FBXO38: variants seen among roughly 807,000 people sequenced by gnomAD.
FBXO38 encodes the protein F-box protein 38.
FBXO38 carries 53 observed loss-of-function variants against 131.9 expected under a neutral mutation model. The observed-to-expected ratio is 0.40, with a 90% CI of 0.32 to 0.51. The LOEUF is 0.51. FBXO38 is among the 20% of genes least tolerant of loss of function. The probability of loss-of-function intolerance (pLI) is 0.53; values close to 1 mark genes in which losing one functional copy is unlikely to be tolerated. For synonymous variants in FBXO38, 452 were observed against 505.6 expected (o/e 0.89, Z 1.42); for missense variants, 1,076 against 1,475.6 (o/e 0.73, Z 4.44).
intron 11 of FBXO38, among the ~76,000 whole-genome samples, chr5:148,416,428 A>G (rs1219034794): frequency 4.6e-5 from 7 of 152,226 alleles, no homozygotes; most frequent in South Asian, 4.1e-4. Flanking sequence ...AAATCTAATT[A>G]GGAATCCAAA....
In FBXO38 at chr5:148,438,363, G is replaced by C. The variant is rs371555180; in HGVS notation, c.2889G>C (p.Lys963Asn). 649 of 1,613,804 alleles carry C rather than the reference G, an allele frequency of 4.0e-4. No individual in the cohort carries two copies. Among genetic ancestry groups the C allele is most frequent in the Non-Finnish European group, 4.9e-4 (584 of 1,179,832 alleles). ...GGTGCAGGGTACTAAAACATTTAAAGGTAGAAAATGCACCAATTGTAAACC... is the reference window on the plus strand; with the variant it reads ...GGTGCAGGGTACTAAAACATTTAAACGTAGAAAATGCACCAATTGTAAACC... ...ATRCRVLKHLKVENAPIVNRF... is the reference protein window; with the variant it reads ...ATRCRVLKHLNVENAPIVNRF... Residue 963 changes from lysine (K) to asparagine (N), a missense_variant, in exon 18 of 22, where the codon AAG becomes AAC. Physicochemically the swap from Lys to Asn is moderately conservative, Grantham distance 94 (BLOSUM62 0). Around this residue, in one of 8 missense-constraint regions of FBXO38, gnomAD observed 282 missense variants for 418.8 expected, o/e 0.67. Transcript: ENST00000340253.
chr5:148,387,690 C>CTTTTTTT (rs142417126), intron 1 of FBXO38, among the ~76,000 whole-genome samples: 4 of 126,684 alleles, frequency 3.2e-5, no homozygotes, highest in Non-Finnish European at 5.0e-5. Flanking sequence ...GAATTTATTT[C>CTTTTTTT]TTTTTTTTTT....
In FBXO38 at chr5:148,427,287, C is replaced by G; in HGVS notation, c.1993C>G (p.Leu665Val). 1 of 1,614,128 alleles carries G rather than the reference C, an allele frequency of 6.2e-7. No individual in the cohort carries two copies. Among genetic ancestry groups the G allele is most frequent in the Non-Finnish European group, 8.5e-7 (1 of 1,180,012 alleles). ...HQMGQSKQFPLEESSCEKGCQ... is the reference protein window; with the variant it reads ...HQMGQSKQFPVEESSCEKGCQ... ...GATGGGCCAGTCGAAGCAGTTTCCCCTCGAGGAAAGCAGCTGTGAGAAAGG... is the reference window on the plus strand; with the variant it reads ...GATGGGCCAGTCGAAGCAGTTTCCCGTCGAGGAAAGCAGCTGTGAGAAAGG... The change falls in exon 15 of 22, where the codon CTC (leucine) becomes GTC (valine). Residue 665 changes from leucine to valine, a missense_variant. Physicochemically the swap from Leu to Val is conservative, Grantham distance 32. This residue lies in a region of FBXO38 where 212 missense variants were observed against 221.2 expected (regional missense o/e 0.96). Coordinates refer to ENST00000340253, the MANE Select transcript of FBXO38 (RefSeq NM_205836.3).
intron 6 of FBXO38, among the ~76,000 whole-genome samples, chr5:148,405,079 G>T (rs778006058): frequency 1.3e-5 from 2 of 149,788 alleles, no homozygotes; most frequent in Non-Finnish European, 3.0e-5. Flanking sequence ...ACTTTTCCTA[G>T]GATTGTTTTA....
intron 10 of FBXO38, 46 bp downstream of exon 10, chr5:148,414,352 T>C: frequency 2.1e-6 from 3 of 1,406,988 alleles, no homozygotes; most frequent in Non-Finnish European, 2.9e-6. Context: ...GATACTGAAA[T>C]AATACAACTT....
intron 3 of FBXO38, among the ~76,000 whole-genome samples, chr5:148,400,780 A>G (rs1462959428): frequency 6.6e-6 from 1 of 152,152 alleles, no homozygotes. Context: ...CAGGGGTTAC[A>G]CTTGGTTTTA....
At position 148,391,939 on chromosome 5, in the gene FBXO38, G is replaced by C. The variant is rs180965240; in HGVS notation, c.-63-2775G>C. 2.6e-5 allele frequency among the ~76,000 whole-genome samples: 4 copies of C among 152,188 alleles called. No individual in the cohort carries two copies. In the East Asian group the frequency reaches 7.7e-4, roughly 29 times the overall value. ...TTTTTTATCATACTTTTTAAAAAAA[G>C]TTTTAGGGGGTAATCTTTTTAATTT... On this transcript the variant is annotated intron_variant, in intron 1 of 21. Transcript: ENST00000340253.
At chr5:148,440,551 A>C (rs1392571715) in intron 20 of FBXO38, 24 bp downstream of exon 20, 1 of 1,418,780 alleles carries the variant, frequency 7.0e-7, no homozygotes, top group Non-Finnish European at 9.9e-7. Context: ...AATGTTTAGA[A>C]AGTTAAATAG....
At chr5:148,430,686 G>A (rs1020966232) in intron 15 of FBXO38, 7 of 152,042 alleles carry the variant, frequency 4.6e-5, no homozygotes, top group South Asian at 2.1e-4. Flanking sequence ...ACTAATAAAG[G>A]AAGAAACTTG....
intron 17 of FBXO38, chr5:148,434,314 T>C (rs1448831263): frequency 6.6e-6 from 1 of 152,228 alleles, no homozygotes; most frequent in Admixed American, 6.5e-5. Flanking sequence ...TTTATATATG[T>C]GTCTGTCTCA....
In FBXO38 at chr5:148,427,289, C is replaced by T. The variant is rs1461803250; in HGVS notation, c.1995C>T (p.Leu665=). ...HQMGQSKQFP[L]EESSCEKGCQ... ...TGGGCCAGTCGAAGCAGTTTCCCCT[C>T]GAGGAAAGCAGCTGTGAGAAAGGCT... Residue 665 remains leucine (L), a synonymous_variant, in exon 15 of 22, where the codon CTC becomes CTT. Transcript: ENST00000340253. 3.7e-6 allele frequency: 6 copies of T among 1,614,074 alleles called. No individual in the cohort carries two copies. Among genetic ancestry groups the T allele is most frequent in the South Asian group, 3.3e-5 (3 of 91,076 alleles).
intron 2 of FBXO38, chr5:148,397,530 T>C (rs1758545339): frequency 6.6e-6 from 1 of 152,226 alleles, no homozygotes; most frequent in South Asian, 2.1e-4. Flanking sequence ...TGAAAAATTC[T>C]GCTTATAATC....
In FBXO38 at chr5:148,424,094, T is replaced by C. The variant is rs1346600618; in HGVS notation, c.1715T>C (p.Val572Ala). ...GCTCACAGCCAGGCAATTATTCCTGTGGATGTTGATGAGGAACAAGCAGGT... is the reference window on the plus strand; with the variant it reads ...GCTCACAGCCAGGCAATTATTCCTGCGGATGTTGATGAGGAACAAGCAGGT... Reference protein sequence around the residue: ...TPAHSQAIIPVDVDEEQAGPS... With the variant: ...TPAHSQAIIPADVDEEQAGPS... Residue 572 changes from valine to alanine, a missense_variant, in exon 13 of 22, where the codon GTG becomes GCG. Val to Ala is a moderately conservative substitution (Grantham distance 64). Transcript: ENST00000340253. 10 of 1,613,424 alleles carry C rather than the reference T, an allele frequency of 6.2e-6. No individual in the cohort carries two copies. The highest frequency in any genetic ancestry group is 8.5e-6 in the Non-Finnish European group (10 of 1,179,608).
At chr5:148,399,179 T>C in intron 3 of FBXO38, 47 bp downstream of exon 3, 1 of 1,594,998 alleles carries the variant, frequency 6.3e-7, no homozygotes, top group Non-Finnish European at 8.6e-7. Context: ...TACTGGAAAG[T>C]AGTAACAATG....
chr5:148,408,953 C>T (rs1351514841), intron 7 of FBXO38, among the ~76,000 whole-genome samples, 171 bp from the exon 8 acceptor site: 1 of 152,106 alleles, frequency 6.6e-6, no homozygotes, highest in African/African-American at 2.4e-5. Context: ...CCTTTTAGGT[C>T]ACCAGTAGTT....
intron 2 of FBXO38, among the ~76,000 whole-genome samples, chr5:148,398,103 G>A (rs1339050671): frequency 6.6e-6 from 1 of 152,058 alleles, no homozygotes; most frequent in Non-Finnish European, 1.5e-5. Flanking sequence ...TCAGAGAGGG[G>A]GAGATAAAGG....
chr5:148,414,672 G>C (rs1752951834), intron 10 of FBXO38, among the ~76,000 whole-genome samples: 2 of 152,112 alleles, frequency 1.3e-5, no homozygotes, highest in East Asian at 1.9e-4. Context: ...TCATCTGAAA[G>C]GACAAAGTAG....
At chr5:148,399,238 C>T (rs1468033240) in intron 3 of FBXO38, 106 bp downstream of exon 3, 3 of 1,304,668 alleles carry the variant, frequency 2.3e-6, no homozygotes, top group Admixed American at 2.4e-5. Context: ...TCTAAGTCAC[C>T]TTGTAGGCTG....
chr5:148,398,548 G>C (rs1401645693), intron 2 of FBXO38, among the ~76,000 whole-genome samples: 1 of 152,090 alleles, frequency 6.6e-6, no homozygotes, highest in East Asian at 1.9e-4. Flanking sequence ...GTGGAGTTGA[G>C]AGGGAGCAGA....
Sources: gnomAD v4.1 joint callset for allele counts (sites outside exome capture counted in the v4.1 genomes callset) on GRCh38, gnomAD v4.1.1 for gene constraint, gnomAD v4.1.1 regional missense constraint, MANE v1.5 for transcripts, NCBI Gene and HGNC (gene_info 2026-07-23, HGNC 2026-07-21) for gene names.